IFT81: variants seen among roughly 807,000 people sequenced by gnomAD.
The protein encoded by IFT81 is intraflagellar transport 81.
IFT81 carries 72 observed loss-of-function variants against 102.6 expected under a neutral mutation model. The ratio of observed to expected loss-of-function variants is 0.70; its 90% CI spans 0.58 to 0.85. The LOEUF (loss-of-function observed/expected upper bound fraction) is 0.85, where lower values mean the gene tolerates loss of function less well. IFT81 is among the 40% of genes least tolerant of loss of function. IFT81 has a pLI of 0.00. For synonymous variants in IFT81, 237 were observed against 242.7 expected (o/e 0.98, Z 0.22); for missense variants, 723 against 787.3 (o/e 0.92, Z 0.98).
At chr12:110,213,728 T>A (rs1039119209) in intron 18 of IFT81, among the ~76,000 whole-genome samples, 2 of 152,220 alleles carry the variant, frequency 1.3e-5, no homozygotes, top group Admixed American at 6.5e-5. Context: ...AATGATGAGT[T>A]GGTTCTTTAT....
intron 8 of IFT81, among the ~76,000 whole-genome samples, chr12:110,139,358 A>G (rs1894709753): frequency 6.6e-6 from 1 of 150,498 alleles, no homozygotes; most frequent in African/African-American, 2.4e-5. Flanking sequence ...AAAAAAAAGA[A>G]AAGGAAAAAA....
chr12:110,136,480 T>C lies in IFT81; in HGVS notation c.697-296T>C, dbSNP rs140488363. Among the ~76,000 whole-genome samples the C allele has an allele frequency of 8.2e-3, 1,245 of 152,354 alleles. 25 individuals are homozygous for C. The highest frequency in any genetic ancestry group is 0.029 in the African/African-American group (1,194 of 41,594). On this transcript the variant is annotated intron_variant, in intron 7 of 18. Coordinates refer to ENST00000242591, the MANE Select transcript of IFT81 (RefSeq NM_014055.4). ...ACATTACTTGGCCTTAAGAAAACCA[T>C]GTATAACAAGAAAAATCTGGTGTGT... is the stretch of plus-strand genomic sequence containing the variant.
chr12:110,125,101 A>T (rs922060943), intron 1 of IFT81, among the ~76,000 whole-genome samples: 1 of 152,140 alleles, frequency 6.6e-6, no homozygotes, highest in Non-Finnish European at 1.5e-5. Flanking sequence ...TAAGGGAAAA[A>T]AGAGTAGACC....
In IFT81 at chr12:110,164,340, G is replaced by A. The variant is rs1316200935; in HGVS notation, c.1188+1275G>A. The stretch of plus-strand genomic sequence containing the variant: ...TCCTCTTTTCATAAAATTAGCCCAG[G>A]AATGAATGAATAAATGAAGTCAAAT... On this transcript the variant is annotated intron_variant, in intron 11 of 18. Transcript: ENST00000242591. Among the ~76,000 whole-genome samples the A allele has an allele frequency of 5.9e-5, 9 of 152,128 alleles. No homozygotes were observed. In the South Asian group the frequency reaches 1.7e-3, roughly 28 times the overall value.
chr12:110,129,105 A>G lies in IFT81; in HGVS notation c.404A>G (p.Glu135Gly). 6.2e-7 allele frequency: 1 copy of G among 1,600,598 alleles called. No homozygotes were observed. The highest frequency in any genetic ancestry group is 8.5e-7 in the Non-Finnish European group (1 of 1,176,440). ...LEVPSEFLQD[E>G]TVADTNKQYE... ...GTACCAAGTGAGTTTCTTCAGGATG[A>G]AACTGTGGCTGACACCAATAAACAG... is the stretch of plus-strand genomic sequence containing the variant. The change falls in exon 4 of 19, where the codon GAA becomes GGA. Residue 135 changes from glutamate (E) to glycine (G), a missense_variant. Glu to Gly is a moderately conservative substitution (Grantham distance 98). Coordinates refer to ENST00000242591, the MANE Select transcript of IFT81 (RefSeq NM_014055.4).
intron 7 of IFT81, among the ~76,000 whole-genome samples, chr12:110,136,355 A>G (rs1314386379): frequency 6.6e-6 from 1 of 152,252 alleles, no homozygotes; most frequent in African/African-American, 2.4e-5. Flanking sequence ...TTGACTTGGC[A>G]TCGAAGTAGT....
chr12:110,149,477 A>G (rs1035927080), intron 10 of IFT81, among the ~76,000 whole-genome samples: 2 of 152,152 alleles, frequency 1.3e-5, no homozygotes, highest in Non-Finnish European at 2.9e-5. Flanking sequence ...AGTCAGCTCA[A>G]TTAGACCCCT....
At chr12:110,160,077 G>C (rs893510737) in intron 10 of IFT81, among the ~76,000 whole-genome samples, 1 of 152,110 alleles carries the variant, frequency 6.6e-6, no homozygotes. Flanking sequence ...TCCTCAAACG[G>C]TTTCGAAACT....
intron 14 of IFT81, among the ~76,000 whole-genome samples, chr12:110,201,551 C>G (rs1898274684): frequency 3.3e-5 from 5 of 152,080 alleles, no homozygotes; most frequent in Admixed American, 3.3e-4. Flanking sequence ...TCACTTCAGC[C>G]TAAGGAGTAG....
intron 10 of IFT81, among the ~76,000 whole-genome samples, chr12:110,161,116 A>G (rs1380022074): frequency 1.4e-5 from 2 of 147,096 alleles, no homozygotes; most frequent in African/African-American, 5.0e-5. Context: ...CTGGCGTTCT[A>G]TCATTCCTTC....
At chr12:110,150,044 G>T (rs1267415343) in intron 10 of IFT81, among the ~76,000 whole-genome samples, 1 of 151,998 alleles carries the variant, frequency 6.6e-6, no homozygotes, top group Admixed American at 6.5e-5. Flanking sequence ...CCCCACTTCT[G>T]TATCAAAACC....
chr12:110,214,624 G>T (rs554646900), intron 18 of IFT81, among the ~76,000 whole-genome samples: 2 of 152,220 alleles, frequency 1.3e-5, no homozygotes, highest in African/African-American at 2.4e-5. Context: ...ATGATAATAA[G>T]ATTTAAAATA....
intron 10 of IFT81, among the ~76,000 whole-genome samples, chr12:110,160,913 T>C (rs140524946): frequency 8.2e-4 from 125 of 152,306 alleles, no homozygotes; most frequent in African/African-American, 3.0e-3. Flanking sequence ...CTCATGTCTA[T>C]TAGCTAATAC....
chr12:110,131,749 C>T (rs1022884575), intron 4 of IFT81, among the ~76,000 whole-genome samples: 1 of 152,154 alleles, frequency 6.6e-6, no homozygotes, highest in African/African-American at 2.4e-5. Context: ...TTCCTCTTGG[C>T]TCTCACTATA....
chr12:110,212,040 C>T (rs534598968), intron 18 of IFT81, among the ~76,000 whole-genome samples: 1 of 152,164 alleles, frequency 6.6e-6, no homozygotes, highest in Admixed American at 6.5e-5. Context: ...TGGTATGACT[C>T]AATACATTGG....
intron 10 of IFT81, among the ~76,000 whole-genome samples, chr12:110,159,606 G>A (rs1021764962): frequency 2.6e-5 from 4 of 152,078 alleles, no homozygotes; most frequent in African/African-American, 9.7e-5. Flanking sequence ...AAAACTAAAG[G>A]GACAGAAAAA....
intron 10 of IFT81, among the ~76,000 whole-genome samples, chr12:110,155,832 G>A (rs1895808799): frequency 6.6e-6 from 1 of 151,654 alleles, no homozygotes; most frequent in East Asian, 1.9e-4. Context: ...CATTTCCTTT[G>A]TGTATATTCT....
chr12:110,182,605 A>G (rs746724316), intron 12 of IFT81, among the ~76,000 whole-genome samples: 2 of 152,096 alleles, frequency 1.3e-5, no homozygotes, highest in Non-Finnish European at 2.9e-5. Context: ...AGTCCTAAAT[A>G]TATTTCTTTC....
intron 12 of IFT81, 80 bp downstream of exon 12, chr12:110,180,651 GT>G: frequency 1.1e-6 from 1 of 949,472 alleles, no homozygotes; most frequent in Non-Finnish European, 1.5e-6. Flanking sequence ...TGAAGTCATT[GT>G]TTTTACTGGA....
Sources: allele counts gnomAD v4.1 joint callset (sites outside exome capture counted in the v4.1 genomes callset), GRCh38; gene constraint gnomAD v4.1.1; transcripts MANE v1.5; gene names NCBI Gene and HGNC (gene_info 2026-07-23, HGNC 2026-07-21).